Variants in GABRG3 observed in about 807,000 individuals in gnomAD.
GABRG3 encodes the protein gamma-aminobutyric acid receptor subunit gamma-3.
In GABRG3, 25 loss-of-function variants were observed where a neutral mutation model predicts 48.8. The ratio of observed to expected loss-of-function variants is 0.51; its 90% CI spans 0.37 to 0.72. The LOEUF is 0.72. Among genes scored for constraint, GABRG3 ranks in the 30% least tolerant of loss-of-function variants. The probability of loss-of-function intolerance (pLI) is 0.00; values close to 1 mark genes in which losing one functional copy is unlikely to be tolerated. For missense variants in GABRG3, 394 were observed against 577.9 expected, an observed-to-expected ratio of 0.68 and a Z score of 3.26; for synonymous variants, 227 against 217.6, an observed-to-expected ratio of 1.04 and a Z score of -0.38.
rs139012683 is a variant in GABRG3, at chr15:27,078,091, A to G, written c.270+51270A>G. On this transcript the variant is annotated intron_variant, in intron 3 of 9. Transcript: ENST00000615808. ...TTATATGTCAGCTTCACTGGGGGCC[A>G]TGGAGTGCCGGATAGTTGGTCAAAT... is the stretch of plus-strand genomic sequence containing the variant. Among the ~76,000 whole-genome samples the G allele has an allele frequency of 7.1e-3, 1,077 of 152,312 alleles. 5 individuals carry two copies. The highest frequency in any genetic ancestry group is 0.015 in the South Asian group (74 of 4,816).
chr15:27,388,105 AG>A (rs1253116350), intron 5 of GABRG3, among the ~76,000 whole-genome samples: 3 of 32,388 alleles, frequency 9.3e-5, no homozygotes, highest in Non-Finnish European at 1.2e-4. Flanking sequence ...AAAGGGAGGG[AG>A]GGAAAAGAAG....
intron 3 of GABRG3, among the ~76,000 whole-genome samples, chr15:27,168,382 C>T (rs1224209251): frequency 1.3e-5 from 2 of 152,106 alleles, no homozygotes; most frequent in Non-Finnish European, 2.9e-5. Flanking sequence ...GAACACACAC[C>T]GTGATTAAGC....
chr15:26,976,099 A>T lies in GABRG3; in HGVS notation c.54-903A>T, dbSNP rs941211493. Among the ~76,000 whole-genome samples, 23 of 151,428 alleles carry T rather than the reference A, an allele frequency of 1.5e-4. No homozygotes were observed. Among genetic ancestry groups the T allele is most frequent in the Middle Eastern group, 3.2e-3 (1 of 316 alleles). ...GCCAATTATAAACCAAACATTTTTT[A>T]AAAAACCCAAAACTGCAGAACCAAA... is the stretch of plus-strand genomic sequence containing the variant. On this transcript the variant is annotated intron_variant, in intron 1 of 9. Transcript: ENST00000615808. The surrounding 1 kb of genome is among the most constrained non-coding windows in gnomAD (Gnocchi z 7.8).
rs1295126126 is a variant in GABRG3 at position 27,123,260 on chromosome 15, A to G, written c.270+96439A>G. ...TCAGATATCTTTTTGACTCTTGGAC[A>G]TTGTTATGGTCTGAATGTCTGTGTC... On this transcript the variant is annotated intron_variant, in intron 3 of 9. Coordinates refer to ENST00000615808, the MANE Select transcript of GABRG3 (RefSeq NM_033223.5). 2.6e-5 allele frequency among the ~76,000 whole-genome samples: 4 copies of G among 152,206 alleles called. No individual in the cohort carries two copies. In the East Asian group the frequency reaches 7.7e-4, roughly 29 times the overall value.
chr15:27,138,997 T>C (rs8036637), intron 3 of GABRG3, among the ~76,000 whole-genome samples: 7,733 of 151,668 alleles, frequency 0.051, 703 homozygotes, highest in African/African-American at 0.18. Flanking sequence ...AGGGGATGGG[T>C]GGATAGGTGA....
At chr15:27,469,729 T>C (rs1889727501) in intron 5 of GABRG3, among the ~76,000 whole-genome samples, 1 of 152,178 alleles carries the variant, frequency 6.6e-6, no homozygotes, top group Non-Finnish European at 1.5e-5. Context: ...ACATCCTAGG[T>C]TTGGCTGACT....
intron 3 of GABRG3, among the ~76,000 whole-genome samples, chr15:27,306,593 A>G (rs1345844103): frequency 7.5e-6 from 1 of 132,620 alleles, no homozygotes; most frequent in Non-Finnish European, 1.6e-5. Context: ...AACATATAAT[A>G]TAAACATATG....
chr15:27,450,565 A>ATAATTGATATATTATATATAT (rs1889080008), intron 5 of GABRG3, among the ~76,000 whole-genome samples: 1 of 152,172 alleles, frequency 6.6e-6, no homozygotes, highest in Non-Finnish European at 1.5e-5. Context: ...TGTACCTCAA[A>ATAATTGATATATTATATATAT]ATAATAAAGA....
chr15:27,031,472 C>T (rs891802), intron 3 of GABRG3, among the ~76,000 whole-genome samples: 98,314 of 152,002 alleles, frequency 0.65, 31,870 homozygotes, highest in East Asian at 0.68. Flanking sequence ...GTACTGATAC[C>T]AATTCATCTG....
chr15:27,257,528 A>C (rs1186827350), intron 3 of GABRG3, among the ~76,000 whole-genome samples: 4 of 152,170 alleles, frequency 2.6e-5, no homozygotes, highest in Admixed American at 6.5e-5. Flanking sequence ...TGAAGTCTTT[A>C]AGATATTTCT....
intron 3 of GABRG3, among the ~76,000 whole-genome samples, chr15:27,271,901 CT>C (rs1428525021): frequency 6.6e-6 from 1 of 152,198 alleles, no homozygotes; most frequent in Non-Finnish European, 1.5e-5. Flanking sequence ...TAAGTATCCC[CT>C]GGGAGCTTGT....
At chr15:27,400,862 T>C (rs1251676470) in intron 5 of GABRG3, among the ~76,000 whole-genome samples, 2 of 151,986 alleles carry the variant, frequency 1.3e-5, no homozygotes, top group South Asian at 2.1e-4. Context: ...ACAACGAAGA[T>C]GTATTTAACC....
intron 2 of GABRG3, among the ~76,000 whole-genome samples, chr15:27,011,463 CACCAGCCTTTGTGGCTTCAACCCCCA>C (rs1448825821): frequency 6.6e-6 from 1 of 152,146 alleles, no homozygotes; most frequent in Non-Finnish European, 1.5e-5. Flanking sequence ...TTGATAGTAA[CACCAGCCTTTGTGGCTTCAACCCCCA>C]ACCTCATGTA....
intron 3 of GABRG3, among the ~76,000 whole-genome samples, chr15:27,313,258 GTGTGTATATATATATA>G (rs1329524749): frequency 9.4e-5 from 5 of 53,052 alleles, no homozygotes; most frequent in African/African-American, 4.5e-4. Flanking sequence ...GTGTGTGTGT[GTGTGTATATATATATA>G]TATATATATA....
At chr15:27,483,564 G>A (rs1890148312) in intron 6 of GABRG3, among the ~76,000 whole-genome samples, 1 of 152,202 alleles carries the variant, frequency 6.6e-6, no homozygotes, top group Admixed American at 6.5e-5. Flanking sequence ...GTGAGGAGTG[G>A]CATTTCAGTT....
At chr15:27,402,596 G>A (rs1887506491) in intron 5 of GABRG3, among the ~76,000 whole-genome samples, 1 of 152,172 alleles carries the variant, frequency 6.6e-6, no homozygotes, top group African/African-American at 2.4e-5. Context: ...AGGATGGGAA[G>A]CTCAGCACTA....
rs1198622438 is a variant in GABRG3 at position 27,313,254 on chromosome 15, GTGTGTGTGTATATATATATATATA to G, written c.271-13553_271-13530del. Among the ~76,000 whole-genome samples, 73 of 62,552 alleles carry G rather than the reference GTGTGTGTGTATATATATATATATA, an allele frequency of 1.2e-3. 2 individuals are homozygous for G. The highest frequency in any genetic ancestry group is 3.6e-3 in the African/African-American group (58 of 15,960). 41.0% of individuals were successfully genotyped at this position (62,552 alleles called of 152,430 possible). A position where few individuals can be genotyped will look rare whatever the true frequency, so the allele number is the denominator to read the frequency against. On this transcript the variant is annotated intron_variant, in intron 3 of 9. Transcript: ENST00000615808. ...TATATGTATATATGTGTGTGTGTGT[GTGTGTGTGTATATATATATATATA>G]TATATATATATATATATATATATAT...
chr15:27,451,839 TA>T (rs1284474598), intron 5 of GABRG3, among the ~76,000 whole-genome samples: 4 of 151,922 alleles, frequency 2.6e-5, no homozygotes, highest in Admixed American at 6.6e-5. Context: ...CAAAAGCAAT[TA>T]AAAATGGGCC....
chr15:27,484,474 A>G (rs945554516), intron 6 of GABRG3, among the ~76,000 whole-genome samples: 3 of 152,216 alleles, frequency 2.0e-5, no homozygotes, highest in African/African-American at 7.2e-5. Flanking sequence ...AGCTAAATAT[A>G]TATGGATATG....
Sources: gnomAD v4.1 joint callset for allele counts (sites outside exome capture counted in the v4.1 genomes callset) on GRCh38, gnomAD v4.1.1 for gene constraint, Gnocchi (gnomAD v3.1) non-coding constraint, MANE v1.5 for transcripts, NCBI Gene and HGNC (gene_info 2026-07-23, HGNC 2026-07-21) for gene names.